The following CFAP221 variants were observed in gnomAD, a reference collection of about 807,000 sequenced individuals.
CFAP221 encodes cilia- and flagella-associated protein 221.
A neutral mutation model predicts 113.1 loss-of-function variants in CFAP221; 97 were observed. The observed-to-expected ratio is 0.86, with a 90% CI of 0.73 to 1.02. The LOEUF is 1.02. Ranked by LOEUF, CFAP221 falls within the 50% of genes least tolerant of loss-of-function variation. CFAP221 has a pLI of 0.00. For missense variants in CFAP221, 1,025 were observed against 1,013.4 expected (o/e 1.01, Z -0.16); for synonymous variants, 331 against 354.4 (o/e 0.93, Z 0.74).
chr2:119,599,673 A>T (rs1335759539), intron 7 of CFAP221, among the ~76,000 whole-genome samples: 1 of 152,052 alleles, frequency 6.6e-6, no homozygotes, highest in Non-Finnish European at 1.5e-5. Context: ...TCCTGCTCCC[A>T]CCTCTCCTCA....
chr2:119,574,232 A>G (rs1682270445), intron 6 of CFAP221, among the ~76,000 whole-genome samples: 1 of 152,060 alleles, frequency 6.6e-6, no homozygotes, highest in Non-Finnish European at 1.5e-5. Flanking sequence ...TCTAGAGCAG[A>G]TGATTGTATG....
At chr2:119,550,738 T>C (rs186761729) in intron 3 of CFAP221, among the ~76,000 whole-genome samples, 155 of 151,740 alleles carry the variant, frequency 1.0e-3, no homozygotes, top group East Asian at 7.7e-3. Context: ...TACTGCTTTA[T>C]TGAGTGATCA....
Position 119,605,159 on chromosome 2 carries a change from CAT to C in CFAP221, c.1025-21_1025-20del. ...ATTTTAATCTGATTACTGGTATAAA[CAT>C]TGTCTGCTCCTGCCTTCAGTTTTGG... On this transcript the variant is annotated intron_variant, in intron 10 of 23. Coordinates refer to ENST00000413369, the MANE Select transcript of CFAP221 (RefSeq NM_001271049.2). 6.3e-7 allele frequency: 1 copy of C among 1,587,778 alleles called. No homozygotes were observed. The highest frequency in any genetic ancestry group is 1.1e-5 in the South Asian group (1 of 90,370).
intron 14 of CFAP221, among the ~76,000 whole-genome samples, chr2:119,621,467 A>G (rs950547400): frequency 5.9e-5 from 9 of 152,172 alleles, no homozygotes; most frequent in African/African-American, 1.9e-4. Flanking sequence ...CCCACTTTCA[A>G]TATTAGAAAG....
At chr2:119,623,352 C>G (rs953620535) in intron 14 of CFAP221, among the ~76,000 whole-genome samples, 1 of 152,054 alleles carries the variant, frequency 6.6e-6, no homozygotes, top group Non-Finnish European at 1.5e-5. Flanking sequence ...AACCACTGCT[C>G]AAGGAAATAA....
chr2:119,608,587 A>G lies in CFAP221; in HGVS notation c.1219A>G (p.Lys407Glu). The change falls in exon 12 of 24, where the codon AAG becomes GAG. Residue 407 changes from lysine (K) to glutamate (E), a missense_variant and splice_region_variant. Physicochemically the swap from Lys to Glu is moderately conservative, Grantham distance 56. Transcript: ENST00000413369. ...GTGGCAAAAAGCATGTGCCAAATAT[A>G]AGGTCAGAGTTACTGCTAATTTGCT... ...EEWQKACAKY[K>E]LDRGDPILDE... 2.5e-6 allele frequency: 4 copies of G among 1,609,042 alleles called. No homozygotes were observed. Among genetic ancestry groups the G allele is most frequent in the Non-Finnish European group, 3.4e-6 (4 of 1,175,946 alleles).
At chr2:119,622,863 G>T (rs5917117) in intron 14 of CFAP221, among the ~76,000 whole-genome samples, 16 of 152,184 alleles carry the variant, frequency 1.1e-4, no homozygotes, top group African/African-American at 3.1e-4. Flanking sequence ...TTGATGGAAC[G>T]TATCTCAAAA....
intron 3 of CFAP221, among the ~76,000 whole-genome samples, chr2:119,558,374 T>C (rs1680975106): frequency 1.3e-5 from 2 of 152,218 alleles, no homozygotes; most frequent in Admixed American, 1.3e-4. Flanking sequence ...ACTGCCCATG[T>C]GCAGGGCCCC....
Position 119,559,717 on chromosome 2 carries a change from C to G in CFAP221, c.269C>G (p.Thr90Arg). 1 of 1,532,146 alleles carries G rather than the reference C, an allele frequency of 6.5e-7. No homozygotes were observed. The highest frequency in any genetic ancestry group is 2.0e-5 in the Admixed American group (1 of 50,984). 94.9% of individuals were successfully genotyped at this position (1,532,146 alleles called of 1,614,324 possible). A position where few individuals can be genotyped will look rare whatever the true frequency, so the allele number is the denominator to read the frequency against. The change falls in exon 4 of 24, where the codon ACA becomes AGA. Residue 90 changes from threonine to arginine, a missense_variant. Transcript: ENST00000413369. ...LHLVNVSNED[T>R]RVHILPPQTK... is the part of the protein sequence containing the mutation. ...CTGGTCAATGTTTCCAATGAAGACACACGTGTTCATATTTTACCCCCGCAA... is the reference window on the plus strand; with the variant it reads ...CTGGTCAATGTTTCCAATGAAGACAGACGTGTTCATATTTTACCCCCGCAA...
At chr2:119,644,707 A>T (rs951832824) in intron 21 of CFAP221, among the ~76,000 whole-genome samples, 9 of 152,226 alleles carry the variant, frequency 5.9e-5, no homozygotes, top group African/African-American at 2.2e-4. Context: ...GATATATGCA[A>T]CATACATATA....
chr2:119,569,125 AATTT>A (rs59068098), intron 6 of CFAP221, among the ~76,000 whole-genome samples: 1 of 150,258 alleles, frequency 6.7e-6, no homozygotes, highest in Non-Finnish European at 1.5e-5. Context: ...GACTTCTTTC[AATTT>A]ATTTATTTAT....
chr2:119,577,654 G>A (rs1341999674), intron 6 of CFAP221, among the ~76,000 whole-genome samples: 1 of 152,090 alleles, frequency 6.6e-6, no homozygotes, highest in Non-Finnish European at 1.5e-5. Context: ...TATAAAATGA[G>A]GATAATAATA....
intron 3 of CFAP221, among the ~76,000 whole-genome samples, chr2:119,550,696 A>G (rs553459534): frequency 6.6e-6 from 1 of 152,202 alleles, no homozygotes; most frequent in African/African-American, 2.4e-5. Flanking sequence ...ATAAAATTTT[A>G]TTACTTGCTC....
chr2:119,602,826 G>C, intron 8 of CFAP221: 1 of 964,620 alleles, frequency 1.0e-6, no homozygotes, highest in Non-Finnish European at 1.2e-6. Context: ...CTTTCTTAAA[G>C]ACATAACATG....
At chr2:119,574,854 T>A (rs1682327500) in intron 6 of CFAP221, among the ~76,000 whole-genome samples, 1 of 152,254 alleles carries the variant, frequency 6.6e-6, no homozygotes, top group Non-Finnish European at 1.5e-5. Context: ...AAATTAAATC[T>A]GCCCCAAATT....
chr2:119,654,816 A>G (rs916081859), intron 23 of CFAP221, among the ~76,000 whole-genome samples: 7 of 152,194 alleles, frequency 4.6e-5, no homozygotes, highest in African/African-American at 1.7e-4. Context: ...TTTGTGAACG[A>G]AAATTGTCAA....
chr2:119,604,764 C>T lies in CFAP221; in HGVS notation c.884C>T (p.Pro295Leu). Residue 295 changes from proline to leucine, a missense_variant, in exon 9 of 24, where the codon CCA becomes CTA. Coordinates refer to ENST00000413369, the MANE Select transcript of CFAP221 (RefSeq NM_001271049.2). Reference protein sequence around the residue: ...AMMHINFHRPPAKPKPQKVKE... With the variant: ...AMMHINFHRPLAKPKPQKVKE... ...ATGCATATAAATTTTCACCGACCGC[C>T]AGCGAAGCCGAAGCCTCAGAAGGTG... The T allele has an allele frequency of 2.6e-6, 4 of 1,542,946 alleles. No individual in the cohort carries two copies. The highest frequency in any genetic ancestry group is 3.5e-6 in the Non-Finnish European group (4 of 1,148,810).
chr2:119,632,891 T>A (rs181828707), intron 19 of CFAP221, among the ~76,000 whole-genome samples: 6 of 152,136 alleles, frequency 3.9e-5, no homozygotes, highest in South Asian at 4.1e-4. Context: ...CATTTAACAA[T>A]AGCATCAAAA....
intron 7 of CFAP221, among the ~76,000 whole-genome samples, chr2:119,593,949 G>A (rs1683774309): frequency 6.6e-6 from 1 of 152,096 alleles, no homozygotes; most frequent in Admixed American, 6.5e-5. Context: ...CCATTCATAA[G>A]GCATCCACCC....
Sources: gnomAD v4.1 joint callset for allele counts (sites outside exome capture counted in the v4.1 genomes callset) on GRCh38, gnomAD v4.1.1 for gene constraint, MANE v1.5 for transcripts, NCBI Gene and HGNC (gene_info 2026-07-23, HGNC 2026-07-21) for gene names.